The following LINGO3 variants were observed in gnomAD, a reference collection of about 807,000 sequenced individuals.
LINGO3 encodes leucine rich repeat and Ig domain containing 3, also known as leucine-rich repeat and immunoglobulin-like domain-containing nogo receptor-interacting protein 3.
For synonymous variants in LINGO3, 427 were observed against 444.2 expected (o/e 0.96, Z 0.49); for missense variants, 750 against 867.7 (o/e 0.86, Z 1.70).
At chr19:2,300,686 C>T in the LINGO3 span, among the ~76,000 whole-genome samples, 28 of 152,132 alleles carry the variant, frequency 1.8e-4, no homozygotes, top group African/African-American at 6.8e-4. Flanking sequence ...AGTCCTCCCT[C>T]GCTCTGGGCC....
the LINGO3 span, among the ~76,000 whole-genome samples, chr19:2,300,750 G>C: frequency 6.6e-6 from 1 of 151,998 alleles, no homozygotes; most frequent in African/African-American, 2.4e-5. Context: ...CCTTCCAGCC[G>C]GGCTCCAGTT....
exon 1 of LINGO3, chr19:2,291,159 G>C: frequency 6.2e-7 from 1 of 1,607,108 alleles, no homozygotes; most frequent in Non-Finnish European, 8.5e-7. Flanking sequence ...TGGCCAGGTG[G>C]CGCAGCCGCA....
At chr19:2,306,931 C>G in the LINGO3 span, among the ~76,000 whole-genome samples, 1 of 152,268 alleles carries the variant, frequency 6.6e-6, no homozygotes, top group South Asian at 2.1e-4. Flanking sequence ...CAGCCCACCC[C>G]ACACCAGCCT....
chr19:2,294,468 T>C (rs2145090778), upstream of LINGO3, among the ~76,000 whole-genome samples: 1 of 152,262 alleles, frequency 6.6e-6, no homozygotes, highest in East Asian at 1.9e-4. The surrounding 1 kb of genome is among the most constrained non-coding windows in gnomAD (Gnocchi z 4.3). Context: ...GGCGCCGTGT[T>C]CTGGCAGGAA....
upstream of LINGO3, among the ~76,000 whole-genome samples, chr19:2,295,023 C>T (rs1053812367): frequency 2.6e-5 from 4 of 152,134 alleles, no homozygotes; most frequent in African/African-American, 9.7e-5. Flanking sequence ...TCCTCATTTG[C>T]TAAATATCTG....
rs1253005240 is a variant in LINGO3 at position 2,290,001 on chromosome 19, G to C, written c.1776C>G (p.Ile592Met). ...GAGGGTCCGCCCTGGGGACCCCTCA[G>C]ATCATCTTCATGTTGAACTTGCGCG... The change falls in exon 1 of 1, where the codon ATC becomes ATG. Residue 592 changes from isoleucine (I) to methionine (M), a missense_variant. Physicochemically the swap from Ile to Met is conservative, Grantham distance 10 (BLOSUM62 1). Coordinates refer to ENST00000585527, the Ensembl canonical transcript of LINGO3. The surrounding 1 kb of genome is among the most constrained non-coding windows in gnomAD (Gnocchi z 6.0). 4 of 1,539,386 alleles carry C rather than the reference G, an allele frequency of 2.6e-6. No homozygotes were observed. Among genetic ancestry groups the C allele is most frequent in the African/African-American group, 1.4e-5 (1 of 72,292 alleles).
chr19:2,289,947 G>C (rs1319044084), exon 1 of LINGO3: 2 of 1,428,598 alleles, frequency 1.4e-6, no homozygotes, highest in East Asian at 2.6e-5. Context: ...GTGGACACGC[G>C]AGCGGCCGGC....
At chr19:2,294,226 C>G (rs1240767194), upstream of LINGO3, among the ~76,000 whole-genome samples, 1 of 152,140 alleles carries the variant, frequency 6.6e-6, no homozygotes, top group Non-Finnish European at 1.5e-5. The surrounding 1 kb of genome is among the most constrained non-coding windows in gnomAD (Gnocchi z 4.3). Flanking sequence ...TGGACACACA[C>G]CTAGCCCTAT....
the LINGO3 span, among the ~76,000 whole-genome samples, chr19:2,308,142 A>AGTCGCC: frequency 1.4e-5 from 2 of 139,692 alleles, no homozygotes; most frequent in Admixed American, 1.4e-4. Context: ...CGACACGAGC[A>AGTCGCC]GCCGCCGCCG....
rs1415422306 is a variant in LINGO3, at chr19:2,289,987, C to T, written c.*11G>A. ...GGGGGAGGGGAGGGGAGGGTCCGCCCTGGGGACCCCTCAGATCATCTTCAT... is the reference window on the plus strand; with the variant it reads ...GGGGGAGGGGAGGGGAGGGTCCGCCTTGGGGACCCCTCAGATCATCTTCAT... On this transcript the variant is annotated 3_prime_UTR_variant, in exon 1 of 1. Transcript: ENST00000585527. 6 of 1,514,576 alleles carry T rather than the reference C, an allele frequency of 4.0e-6. No individual in the cohort carries two copies. The African/African-American group carries it at 7.1e-5, about 18-fold the overall frequency. The allele number at this position is 1,514,576 out of a possible 1,614,324, so 93.8% of individuals were successfully genotyped here.
chr19:2,305,320 T>C, the LINGO3 span, among the ~76,000 whole-genome samples: 1 of 151,914 alleles, frequency 6.6e-6, no homozygotes, highest in Non-Finnish European at 1.5e-5. Flanking sequence ...AATGGAGGCC[T>C]CTCTTCCCTG....
the LINGO3 span, among the ~76,000 whole-genome samples, chr19:2,300,355 C>T: frequency 3.9e-5 from 6 of 152,124 alleles, no homozygotes; most frequent in South Asian, 8.3e-4. Flanking sequence ...TTAGGGGCCT[C>T]TGTCCCCTCC....
At chr19:2,300,500 G>A in the LINGO3 span, among the ~76,000 whole-genome samples, 1 of 151,872 alleles carries the variant, frequency 6.6e-6, no homozygotes, top group East Asian at 1.9e-4. Context: ...ATCCTCCCAG[G>A]ATGGGAACAC....
downstream of LINGO3, chr19:2,289,721 C>T: frequency 4.0e-6 from 1 of 248,036 alleles, no homozygotes; most frequent in South Asian, 6.1e-5. Context: ...GGGAGCCCAT[C>T]CCCCCATCCT....
At chr19:2,299,723 C>CT in the LINGO3 span, among the ~76,000 whole-genome samples, 3,614 of 81,580 alleles carry the variant, frequency 0.044, 346 homozygotes, top group African/African-American at 0.15. Flanking sequence ...TGTGCCCTGC[C>CT]TTTTTTTTTT....
rs770656581 is a variant in LINGO3 at position 2,290,775 on chromosome 19, C to T, written c.1002G>A (p.Glu334=). Reference sequence around the variant, plus strand: ...TGTTCACCGAGTGGAAGGTGCTCTCCTCCAACGTGGAGAGCAGGTTGTTGG... The same window carrying T: ...TGTTCACCGAGTGGAAGGTGCTCTCTTCCAACGTGGAGAGCAGGTTGTTGG... Residue 334 remains glutamate (E), a synonymous_variant, in exon 1 of 1, where the codon GAG becomes GAA. Transcript: ENST00000585527. The surrounding 1 kb of genome is among the most constrained non-coding windows in gnomAD (Gnocchi z 6.0). 1.9e-6 allele frequency: 3 copies of T among 1,612,690 alleles called. No homozygotes were observed. In the South Asian group the frequency reaches 3.3e-5, roughly 18 times the overall value.
chr19:2,289,933 A>G (rs1044040791), exon 1 of LINGO3: 6 of 1,351,072 alleles, frequency 4.4e-6, no homozygotes, highest in Non-Finnish European at 6.0e-6. Context: ...CGGGAAATGC[A>G]TAGGTGGACA....
the LINGO3 span, among the ~76,000 whole-genome samples, chr19:2,298,164 T>C: frequency 1.3e-5 from 2 of 151,978 alleles, no homozygotes; most frequent in Non-Finnish European, 2.9e-5. Flanking sequence ...GCTGAGATTA[T>C]AGGTGTGAGC....
upstream of LINGO3, among the ~76,000 whole-genome samples, chr19:2,294,753 C>A (rs1175428024): frequency 6.6e-6 from 1 of 151,882 alleles, no homozygotes; most frequent in Non-Finnish European, 1.5e-5. This position sits in a 1 kb window ranked among gnomAD's most constrained non-coding sequence, Gnocchi z 4.3. Context: ...TGGGAGCCTG[C>A]TGCACCCTTA....
Sources: gnomAD v4.1 joint callset for allele counts (sites outside exome capture counted in the v4.1 genomes callset) on GRCh38, gnomAD v4.1.1 for gene constraint, Gnocchi (gnomAD v3.1) non-coding constraint, MANE v1.5 for transcripts, NCBI Gene and HGNC (gene_info 2026-07-23, HGNC 2026-07-21) for gene names.